Variants in ERBB4 observed in about 807,000 individuals in gnomAD.
ERBB4 encodes receptor tyrosine-protein kinase erbB-4.
In ERBB4, 42 loss-of-function variants were observed where a neutral mutation model predicts 158.0. The observed-to-expected ratio is 0.27, with a 90% CI of 0.21 to 0.34. The LOEUF is 0.34. ERBB4 is among the 10% of genes least tolerant of loss of function. ERBB4 has a pLI of 1.00. For missense variants in ERBB4, 1,333 were observed against 1,624.1 expected (o/e 0.82, Z 3.08); for synonymous variants, 583 against 558.7 (o/e 1.04, Z -0.61).
chr2:211,407,092 A>C (rs1362508939), intron 25 of ERBB4, among the ~76,000 whole-genome samples: 1 of 152,132 alleles, frequency 6.6e-6, no homozygotes, highest in Non-Finnish European at 1.5e-5. Flanking sequence ...AAAAATAAAA[A>C]TAAATTTTAA....
intron 20 of ERBB4, among the ~76,000 whole-genome samples, chr2:211,545,518 A>G (rs1019479311): frequency 6.6e-6 from 1 of 152,108 alleles, no homozygotes; most frequent in African/African-American, 2.4e-5. Flanking sequence ...GGATATAAAA[A>G]TAGATGGGAT....
At chr2:212,489,629 G>T (rs541075802) in intron 1 of ERBB4, among the ~76,000 whole-genome samples, 8 of 151,596 alleles carry the variant, frequency 5.3e-5, no homozygotes, top group Non-Finnish European at 8.8e-5. Flanking sequence ...TAACTCTAAC[G>T]TATGGTATAT....
intron 20 of ERBB4, among the ~76,000 whole-genome samples, chr2:211,449,247 G>T (rs563815857): frequency 1.3e-5 from 2 of 152,060 alleles, no homozygotes; most frequent in African/African-American, 4.8e-5. Context: ...GTTTTAGACC[G>T]TGTAATATTA....
intron 2 of ERBB4, among the ~76,000 whole-genome samples, chr2:212,109,714 A>T (rs1400202180): frequency 6.6e-6 from 1 of 152,144 alleles, no homozygotes; most frequent in African/African-American, 2.4e-5. Context: ...TGATTGTTTC[A>T]TGTGTATATT....
intron 20 of ERBB4, among the ~76,000 whole-genome samples, chr2:211,504,588 C>A (rs1177414925): frequency 1.3e-5 from 2 of 152,104 alleles, no homozygotes; most frequent in Non-Finnish European, 2.9e-5. Flanking sequence ...ACCACACTAG[C>A]TCTCTAGCAA....
At chr2:211,607,888 T>TTTTTTTTTTTTTTC (rs35895749) in intron 19 of ERBB4, among the ~76,000 whole-genome samples, 1 of 118,864 alleles carries the variant, frequency 8.4e-6, no homozygotes. Flanking sequence ...TTTTTTTTTT[T>TTTTTTTTTTTTTTC]AGACAGGGTC....
intron 3 of ERBB4, among the ~76,000 whole-genome samples, chr2:211,915,340 CTTAA>C (rs1203717572): frequency 6.6e-6 from 1 of 151,862 alleles, no homozygotes; most frequent in Non-Finnish European, 1.5e-5. Flanking sequence ...CAATAACAAT[CTTAA>C]TTAAAGTTTC....
At chr2:212,242,218 G>A (rs989362852) in intron 1 of ERBB4, among the ~76,000 whole-genome samples, 1 of 151,634 alleles carries the variant, frequency 6.6e-6, no homozygotes, top group South Asian at 2.1e-4. Flanking sequence ...CATTCCTCTT[G>A]TTAAAGAAGA....
At chr2:212,475,471 T>C (rs1560429293) in intron 1 of ERBB4, among the ~76,000 whole-genome samples, 3 of 152,192 alleles carry the variant, frequency 2.0e-5, no homozygotes, top group Non-Finnish European at 4.4e-5. Context: ...TTCCATTTGC[T>C]GATCAAATCC....
intron 17 of ERBB4, among the ~76,000 whole-genome samples, chr2:211,625,559 T>C (rs1254325371): frequency 6.6e-6 from 1 of 152,192 alleles, no homozygotes; most frequent in African/African-American, 2.4e-5. Flanking sequence ...TTAAGTTATA[T>C]AAATGTAAAT....
intron 1 of ERBB4, among the ~76,000 whole-genome samples, chr2:212,359,057 A>T (rs1315346768): frequency 6.6e-6 from 1 of 151,766 alleles, no homozygotes; most frequent in African/African-American, 2.4e-5. Flanking sequence ...GGATGAGGGA[A>T]AATAAACCAA....
chr2:211,704,237 C>CT (rs1166150303), intron 10 of ERBB4, 43 bp from the exon 11 acceptor site: 1 of 1,249,102 alleles, frequency 8.0e-7, no homozygotes, highest in East Asian at 2.3e-5. Context: ...ATATCATTGT[C>CT]TTAGTATTAG....
At chr2:211,811,774 A>G (rs1188085384) in intron 3 of ERBB4, among the ~76,000 whole-genome samples, 1 of 151,924 alleles carries the variant, frequency 6.6e-6, no homozygotes, top group African/African-American at 2.4e-5. Context: ...TTGATCTTCA[A>G]ACACTGATAC....
At chr2:211,571,038 C>CCTCTTTTTTTTTTTTTTTTTTT (rs1437512949) in intron 19 of ERBB4, among the ~76,000 whole-genome samples, 2 of 58,756 alleles carry the variant, frequency 3.4e-5, no homozygotes, top group African/African-American at 1.5e-4. Flanking sequence ...GAGTACTCTT[C>CCTCTTTTTTTTTTTTTTTTTTT]TTCTTTTTTT....
intron 1 of ERBB4, among the ~76,000 whole-genome samples, chr2:212,454,920 G>T (rs544973994): frequency 2.4e-4 from 37 of 151,682 alleles, no homozygotes; most frequent in Non-Finnish European, 4.4e-4. Context: ...AGAAATGACC[G>T]CCACCTCACT....
intron 1 of ERBB4, among the ~76,000 whole-genome samples, chr2:212,140,351 CATATA>C (rs1260113895): frequency 6.8e-6 from 1 of 146,998 alleles, no homozygotes; most frequent in Non-Finnish European, 1.5e-5. Flanking sequence ...GGGTATGAGA[CATATA>C]ATATATATAG....
chr2:212,392,408 G>C (rs2090904443), intron 1 of ERBB4, among the ~76,000 whole-genome samples: 2 of 151,864 alleles, frequency 1.3e-5, no homozygotes, highest in Non-Finnish European at 2.9e-5. Context: ...TTAAGAAAAG[G>C]CATACAAGAA....
At chr2:211,465,631 TAG>T (rs1427828446) in intron 20 of ERBB4, among the ~76,000 whole-genome samples, 2 of 152,078 alleles carry the variant, frequency 1.3e-5, no homozygotes, top group African/African-American at 2.4e-5. Flanking sequence ...GGGCCTCAAA[TAG>T]AGTCATTTTG....
intron 1 of ERBB4, among the ~76,000 whole-genome samples, chr2:212,439,072 A>C (rs947062858): frequency 2.0e-5 from 3 of 152,150 alleles, no homozygotes; most frequent in Non-Finnish European, 2.9e-5. Context: ...ACTGTTAGAA[A>C]GTAAGTAAGC....
Sources: gnomAD v4.1 joint callset for allele counts (sites outside exome capture counted in the v4.1 genomes callset) on GRCh38, gnomAD v4.1.1 for gene constraint, MANE v1.5 for transcripts, NCBI Gene and HGNC (gene_info 2026-07-23, HGNC 2026-07-21) for gene names.